Variants in PRKD1 observed in about 807,000 individuals in gnomAD.
PRKD1 encodes protein kinase D1.
Under a neutral mutation model 95.9 loss-of-function variants are expected in PRKD1, and 63 were observed. The observed-to-expected ratio is 0.66, with a 90% CI of 0.54 to 0.81. PRKD1 has a LOEUF of 0.81. Among genes scored for constraint, PRKD1 ranks in the 30% least tolerant of loss-of-function variants. PRKD1 has a pLI of 0.00. For missense variants in PRKD1, 1,048 were observed against 1,165.3 expected (o/e 0.90, Z 1.47); for synonymous variants, 425 against 423.1 (o/e 1.00, Z -0.05).
At chr14:29,886,099 T>C (rs1308996691) in intron 1 of PRKD1, among the ~76,000 whole-genome samples, 1 of 152,160 alleles carries the variant, frequency 6.6e-6, no homozygotes, top group Non-Finnish European at 1.5e-5. Flanking sequence ...GTGATACGTG[T>C]CCAGGAGGAA....
At chr14:29,705,432 G>C (rs974505036) in intron 2 of PRKD1, among the ~76,000 whole-genome samples, 1 of 147,428 alleles carries the variant, frequency 6.8e-6, no homozygotes, top group Non-Finnish European at 1.5e-5. Context: ...TTATCCTCTC[G>C]ATGAACAGAA....
At chr14:29,894,380 T>TAC (rs1207849617) in intron 1 of PRKD1, among the ~76,000 whole-genome samples, 2 of 152,194 alleles carry the variant, frequency 1.3e-5, no homozygotes, top group Admixed American at 1.3e-4. Context: ...AGGGGAAGTA[T>TAC]ACCATCCTCA....
intron 2 of PRKD1, among the ~76,000 whole-genome samples, chr14:29,695,690 T>C (rs943768380): frequency 2.0e-5 from 3 of 152,148 alleles, no homozygotes; most frequent in Non-Finnish European, 2.9e-5. Context: ...AGATGTTGAG[T>C]TAGAGGAAGC....
At chr14:29,717,980 A>G (rs1885707860) in intron 2 of PRKD1, among the ~76,000 whole-genome samples, 1 of 152,150 alleles carries the variant, frequency 6.6e-6, no homozygotes, top group South Asian at 2.1e-4. Context: ...AATAACCAAG[A>G]AAACTATCAA....
chr14:29,647,481 T>C (rs1881200054), intron 4 of PRKD1, among the ~76,000 whole-genome samples: 1 of 152,140 alleles, frequency 6.6e-6, no homozygotes, highest in African/African-American at 2.4e-5. Flanking sequence ...AAATGGAGGG[T>C]AAACACATTA....
chr14:29,818,024 T>TAA (rs772849121), intron 1 of PRKD1, among the ~76,000 whole-genome samples: 1 of 151,312 alleles, frequency 6.6e-6, no homozygotes, highest in Non-Finnish European at 1.5e-5. Flanking sequence ...ATTAAAGTTG[T>TAA]AAAAAAAAAT....
chr14:29,871,181 G>GT (rs551404730), intron 1 of PRKD1, among the ~76,000 whole-genome samples: 55 of 152,254 alleles, frequency 3.6e-4, no homozygotes, highest in African/African-American at 1.3e-3. Context: ...CTTCCCTTTG[G>GT]TAAGTGTGAG....
chr14:29,826,698 TACATATATAC>T (rs1313119690), intron 1 of PRKD1, among the ~76,000 whole-genome samples: 1,212 of 42,328 alleles, frequency 0.029, 261 homozygotes, highest in South Asian at 0.039. Context: ...CACATATATA[TACATATATAC>T]ACATATATAT....
chr14:29,836,425 T>C (rs1044130705), intron 1 of PRKD1, among the ~76,000 whole-genome samples: 1 of 152,152 alleles, frequency 6.6e-6, no homozygotes, highest in Non-Finnish European at 1.5e-5. Context: ...TTGCAGGAGC[T>C]TGAGGAACTA....
At chr14:29,760,349 CTTTTTTTTT>C (rs36093531) in intron 1 of PRKD1, among the ~76,000 whole-genome samples, 1 of 114,176 alleles carries the variant, frequency 8.8e-6, no homozygotes, top group African/African-American at 3.3e-5. Flanking sequence ...ATTTTCTCAA[CTTTTTTTTT>C]TTTTTTTTTT....
chr14:29,832,136 G>A (rs1263027912), intron 1 of PRKD1, among the ~76,000 whole-genome samples: 1 of 152,030 alleles, frequency 6.6e-6, no homozygotes, highest in Non-Finnish European at 1.5e-5. Context: ...GCTGGATACG[G>A]CCATATACTT....
intron 11 of PRKD1, among the ~76,000 whole-genome samples, chr14:29,627,372 G>A (rs1480237601): frequency 6.6e-6 from 1 of 152,154 alleles, no homozygotes; most frequent in East Asian, 1.9e-4. Flanking sequence ...AGCTGGAGAG[G>A]CTGCAGAAGG....
intron 13 of PRKD1, among the ~76,000 whole-genome samples, chr14:29,613,533 T>C (rs780764912): frequency 5.9e-5 from 9 of 152,224 alleles, no homozygotes; most frequent in Non-Finnish European, 1.2e-4. Context: ...ACATATTTCA[T>C]TCAACAAATA....
intron 2 of PRKD1, among the ~76,000 whole-genome samples, chr14:29,718,061 G>T (rs1050353246): frequency 6.6e-6 from 1 of 152,102 alleles, no homozygotes; most frequent in African/African-American, 2.4e-5. Context: ...GGAGTCTATG[G>T]TAACATTCCA....
At chr14:29,714,283 C>A (rs149553754) in intron 2 of PRKD1, among the ~76,000 whole-genome samples, 4 of 151,980 alleles carry the variant, frequency 2.6e-5, no homozygotes, top group African/African-American at 4.8e-5. Context: ...TATGCTTCCA[C>A]AATAAATATG....
At chr14:29,782,651 C>T (rs1012910559) in intron 1 of PRKD1, among the ~76,000 whole-genome samples, 2 of 152,088 alleles carry the variant, frequency 1.3e-5, no homozygotes, top group African/African-American at 4.8e-5. Context: ...CCGCCTCAAC[C>T]TCCCAAGTTG....
intron 1 of PRKD1, among the ~76,000 whole-genome samples, chr14:29,815,672 A>C (rs1890658024): frequency 6.6e-6 from 1 of 152,212 alleles, no homozygotes; most frequent in Non-Finnish European, 1.5e-5. Flanking sequence ...GACTATTAAG[A>C]ATGTATATAC....
At chr14:29,648,015 AT>A in intron 4 of PRKD1, among the ~76,000 whole-genome samples, 1 of 152,352 alleles carries the variant, frequency 6.6e-6, no homozygotes, top group Non-Finnish European at 1.5e-5. Flanking sequence ...ATGCTCATCT[AT>A]TTTGTGACCC....
chr14:29,924,006 G>A (rs973117851), intron 1 of PRKD1, among the ~76,000 whole-genome samples: 1 of 151,962 alleles, frequency 6.6e-6, no homozygotes, highest in Non-Finnish European at 1.5e-5. Context: ...GTCAATGATT[G>A]TTATTATTTT....
Sources: allele counts gnomAD v4.1 joint callset (sites outside exome capture counted in the v4.1 genomes callset), GRCh38; gene constraint gnomAD v4.1.1; transcripts MANE v1.5; gene names NCBI Gene and HGNC (gene_info 2026-07-23, HGNC 2026-07-21).